The following DDC variants were observed in gnomAD, a reference collection of about 807,000 sequenced individuals.
DDC encodes the protein dopa decarboxylase, also known as aromatic-L-amino-acid decarboxylase.
A neutral mutation model predicts 60.0 loss-of-function variants in DDC; 43 were observed. The ratio of observed to expected loss-of-function variants is 0.72; its 90% confidence interval spans 0.56 to 0.92. DDC has a LOEUF of 0.92. Ranked by LOEUF, DDC falls within the 40% of genes least tolerant of loss-of-function variation. DDC has a pLI of 0.00. For synonymous variants in DDC, 232 were observed against 234.6 expected, an observed-to-expected ratio of 0.99 and a Z score of 0.10; for missense variants, 573 against 620.2, an observed-to-expected ratio of 0.92 and a Z score of 0.81.
chr7:50,510,757 G>A lies in DDC; in HGVS notation c.715-6698C>T, dbSNP rs1307167793. Reference sequence around the variant, plus strand: ...AGCACTTTGGGAGGCCAAGGCGGGCGGATCACGAGGTCAGGAGATCGAGAC... The same window carrying A: ...AGCACTTTGGGAGGCCAAGGCGGGCAGATCACGAGGTCAGGAGATCGAGAC... On this transcript the variant is annotated intron_variant, in intron 6 of 14. Transcript: ENST00000444124. 4.6e-5 allele frequency among the ~76,000 whole-genome samples: 7 copies of A among 151,558 alleles called. No homozygotes were observed. The East Asian group carries it at 5.8e-4, about 13-fold the overall frequency.
intron 6 of DDC, among the ~76,000 whole-genome samples, chr7:50,525,742 T>A (rs369845137): frequency 2.0e-5 from 3 of 151,686 alleles, no homozygotes; most frequent in African/African-American, 7.3e-5. Flanking sequence ...CCAACCTGGG[T>A]GATAGAGTGA....
chr7:50,548,992 T>G (rs1302551895), intron 1 of DDC, among the ~76,000 whole-genome samples: 6 of 152,214 alleles, frequency 3.9e-5, no homozygotes, highest in African/African-American at 1.4e-4. Context: ...TTCCTGTGCT[T>G]TATAAATGGA....
chr7:50,472,658 C>T (rs1411416218), intron 11 of DDC, among the ~76,000 whole-genome samples: 1 of 152,140 alleles, frequency 6.6e-6, no homozygotes, highest in Non-Finnish European at 1.5e-5. Context: ...TACCCAGGAC[C>T]GTGCAAACTG....
At chr7:50,537,690 A>T (rs951842012) in intron 4 of DDC, among the ~76,000 whole-genome samples, 170 bp downstream of exon 4, 2 of 152,130 alleles carry the variant, frequency 1.3e-5, no homozygotes, top group African/African-American at 4.8e-5. Flanking sequence ...CCTAATCCAG[A>T]TCCTGCCAAT....
intron 11 of DDC, among the ~76,000 whole-genome samples, chr7:50,474,231 C>T (rs146349394): frequency 4.3e-4 from 65 of 152,328 alleles, no homozygotes; most frequent in African/African-American, 1.5e-3. Context: ...GAAGGACAAA[C>T]GCTTTTCAAA....
chr7:50,502,353 G>A (rs1453246837), intron 7 of DDC, among the ~76,000 whole-genome samples: 1 of 152,170 alleles, frequency 6.6e-6, no homozygotes, highest in African/African-American at 2.4e-5. Context: ...TGGTCCAGCG[G>A]GCAGCCCACA....
intron 9 of DDC, among the ~76,000 whole-genome samples, chr7:50,490,540 C>T (rs918022622): frequency 1.3e-5 from 2 of 152,086 alleles, no homozygotes; most frequent in Admixed American, 6.6e-5. Flanking sequence ...CGTGGTGGCA[C>T]GCTCCTGTAG....
intron 5 of DDC, 40 bp from the exon 6 acceptor site, chr7:50,528,320 T>A: frequency 6.2e-7 from 1 of 1,613,328 alleles, no homozygotes; most frequent in Non-Finnish European, 8.5e-7. Flanking sequence ...TACAGGTGTG[T>A]GCATGCAGTT....
intron 1 of DDC, among the ~76,000 whole-genome samples, chr7:50,553,084 G>A (rs973127338): frequency 4.6e-5 from 7 of 152,172 alleles, no homozygotes; most frequent in South Asian, 4.1e-4. Context: ...CTAGCACCAT[G>A]GGCAAGCCCA....
rs892484647 is a variant in DDC, at chr7:50,463,544, G to A, written c.1243-113C>T. ...CCCTACCGTACATCAGGAAGAAGCC[G>A]ACTAACCATCCCCCTTGCGTTTACG... is the stretch of plus-strand genomic sequence containing the variant. On this transcript the variant is annotated intron_variant, in intron 13 of 14. Transcript: ENST00000444124. 143 of 879,388 alleles carry A rather than the reference G, an allele frequency of 1.6e-4. No individual in the cohort carries two copies. In the African/African-American group the frequency reaches 2.2e-3, roughly 13 times the overall value. 54.5% of individuals were successfully genotyped at this position (879,388 alleles called of 1,614,324 possible).
chr7:50,553,826 A>G (rs866478668), intron 1 of DDC, among the ~76,000 whole-genome samples: 15 of 152,170 alleles, frequency 9.9e-5, no homozygotes, highest in Middle Eastern at 3.4e-3. Context: ...GGGTTCAAAG[A>G]CCATAAAAAT....
At chr7:50,508,684 A>G (rs962871204) in intron 6 of DDC, among the ~76,000 whole-genome samples, 8 of 152,218 alleles carry the variant, frequency 5.3e-5, no homozygotes, top group Admixed American at 1.3e-4. Context: ...AGCCCCTTTG[A>G]GAATATAATG....
In DDC at chr7:50,510,708, A is replaced by G. The variant is rs192336333; in HGVS notation, c.715-6649T>C. Among the ~76,000 whole-genome samples the G allele has an allele frequency of 2.7e-3, 388 of 146,324 alleles. 3 individuals are homozygous for G. The highest frequency in any genetic ancestry group is 7.8e-3 in the African/African-American group (305 of 39,296). The stretch of plus-strand genomic sequence containing the variant: ...AAAAATGTAAGTAAGATGGCAGGGC[A>G]CGGTGGCTCACGCCTGTAATCACAG... On this transcript the variant is annotated intron_variant, in intron 6 of 14. Coordinates refer to ENST00000444124, the MANE Select transcript of DDC (RefSeq NM_001082971.2).
At chr7:50,551,443 G>C (rs2044990798) in intron 1 of DDC, among the ~76,000 whole-genome samples, 1 of 151,910 alleles carries the variant, frequency 6.6e-6, no homozygotes, top group South Asian at 2.1e-4. Flanking sequence ...ATGTTGGCCA[G>C]GCTGGTCTCT....
intron 6 of DDC, among the ~76,000 whole-genome samples, chr7:50,517,624 G>A (rs1396554831): frequency 6.6e-6 from 1 of 152,082 alleles, no homozygotes; most frequent in African/African-American, 2.4e-5. Context: ...TCAGTAAAGA[G>A]GAAGTCAGAT....
At chr7:50,490,394 G>A (rs1163858355) in intron 9 of DDC, among the ~76,000 whole-genome samples, 1 of 152,140 alleles carries the variant, frequency 6.6e-6, no homozygotes. Flanking sequence ...AAATCAGCCG[G>A]GCACAGTGGC....
intron 11 of DDC, among the ~76,000 whole-genome samples, chr7:50,475,145 G>A (rs11772714): frequency 0.77 from 117,751 of 152,162 alleles, 45,752 homozygotes; most frequent in Admixed American, 0.84. Context: ...TGTACAGCAC[G>A]TGGCCCTCAT....
chr7:50,526,846 A>G (rs1435606062), intron 6 of DDC, among the ~76,000 whole-genome samples: 7 of 152,224 alleles, frequency 4.6e-5, no homozygotes, highest in African/African-American at 1.7e-4. Context: ...AGTAGGCTGC[A>G]GGACAAAATG....
intron 1 of DDC, among the ~76,000 whole-genome samples, chr7:50,549,788 A>T (rs1433526089): frequency 6.6e-6 from 1 of 152,090 alleles, no homozygotes; most frequent in Non-Finnish European, 1.5e-5. Context: ...GGAAGAAGTC[A>T]CTGCAGATAT....
Sources: allele counts gnomAD v4.1 joint callset (sites outside exome capture counted in the v4.1 genomes callset), GRCh38; gene constraint gnomAD v4.1.1; transcripts MANE v1.5; gene names NCBI Gene and HGNC (gene_info 2026-07-23, HGNC 2026-07-21).